Variants in PSMB10 observed in about 807,000 individuals in gnomAD.
PSMB10 encodes the protein proteasome subunit beta type-10.
Under a neutral mutation model 29.8 loss-of-function variants are expected in PSMB10, and 29 were observed. The observed-to-expected ratio is 0.97, with a 90% CI of 0.73 to 1.33. PSMB10 has a LOEUF of 1.33. Among genes scored for constraint, PSMB10 ranks in the 40% most tolerant of loss-of-function variants. The pLI is 0.00. For missense variants in PSMB10, 327 were observed against 369.2 expected (o/e 0.89, Z 0.94); for synonymous variants, 157 against 164.7 (o/e 0.95, Z 0.36).
intron 2 of PSMB10, 42 bp downstream of exon 2, chr16:67,936,356 T>C: frequency 6.2e-7 from 1 of 1,610,958 alleles, no homozygotes; most frequent in Non-Finnish European, 8.5e-7. Context: ...TGCTCGATAC[T>C]CTCGGCTCCC....
Position 67,936,705 on chromosome 16 carries a change from C to G in PSMB10, c.45G>C (p.Glu15Asp). 6.4e-7 allele frequency: 1 copy of G among 1,556,094 alleles called. No individual in the cohort carries two copies. The highest frequency in any genetic ancestry group is 8.7e-7 in the Non-Finnish European group (1 of 1,149,420). ...ALEPRGGFSFENCQRNASLER... is the reference protein window; with the variant it reads ...ALEPRGGFSFDNCQRNASLER... ...CGCCCCCGCTTCACCTTTGGCAGTT[C>G]TCGAAGGAGAAGCCCCCTCGGGGCT... The change falls in exon 1 of 8, where the codon GAG becomes GAC. Residue 15 changes from glutamate (E) to aspartate (D), a missense_variant. Glu to Asp is a conservative substitution (Grantham distance 45, BLOSUM62 2). Transcript: ENST00000358514.
chr16:67,936,358 TCGGCTCCCCTC>T, intron 2 of PSMB10, 29 bp downstream of exon 2: 1 of 1,610,722 alleles, frequency 6.2e-7, no homozygotes, highest in Non-Finnish European at 8.5e-7. Flanking sequence ...CTCGATACTC[TCGGCTCCCCTC>T]CAGCTCCCCG....
At chr16:67,935,014 G>A in intron 6 of PSMB10, 66 bp from the exon 7 acceptor site, 2 of 1,564,620 alleles carry the variant, frequency 1.3e-6, no homozygotes, top group Non-Finnish European at 1.7e-6. Context: ...ACAGCCTGGG[G>A]ACTTGCCTGT....
In PSMB10 at chr16:67,936,466, C is replaced by G; in HGVS notation, c.76G>C (p.Val26Leu). Residue 26 changes from valine (V) to leucine (L), a missense_variant, in exon 2 of 8, where the codon GTC becomes CTC. Transcript: ENST00000358514. Reference protein sequence around the residue: ...NCQRNASLERVLPGLKVPHAR... With the variant: ...NCQRNASLERLLPGLKVPHAR... ...TGAGGGACCTTGAGCCCCGGGAGGACGCGTTCCAATGATGCATTTCTGGAA... is the reference window on the plus strand; with the variant it reads ...TGAGGGACCTTGAGCCCCGGGAGGAGGCGTTCCAATGATGCATTTCTGGAA... 1 of 1,613,432 alleles carries G rather than the reference C, an allele frequency of 6.2e-7. No homozygotes were observed. Among genetic ancestry groups the G allele is most frequent in the Non-Finnish European group, 8.5e-7 (1 of 1,179,882 alleles).
At chr16:67,935,825 T>C in intron 4 of PSMB10, 128 bp from the exon 5 acceptor site, 10 of 1,478,724 alleles carry the variant, frequency 6.8e-6, no homozygotes, top group South Asian at 1.2e-5. Flanking sequence ...CGCCTTTTCC[T>C]GTAGCCCAGG....
In PSMB10 at chr16:67,936,386, C is replaced by T. The variant is rs1165289159; in HGVS notation, c.144+12G>A. On this transcript the variant is annotated intron_variant, in intron 2 of 7. Coordinates refer to ENST00000358514, the MANE Select transcript of PSMB10 (RefSeq NM_002801.4). The stretch of plus-strand genomic sequence containing the variant: ...GCTCCCCTCCAGCTCCCCGTCCCTC[C>T]CCGCTGCTCACTTGGAACACCAGGC... The T allele has an allele frequency of 6.2e-7, 1 of 1,612,204 alleles. No individual in the cohort carries two copies. Among genetic ancestry groups the T allele is most frequent in the Non-Finnish European group, 8.5e-7 (1 of 1,178,840 alleles).
Position 67,935,566 on chromosome 16 carries a change from G to C in PSMB10, c.499+16C>G, listed in dbSNP as rs2058259693. On this transcript the variant is annotated intron_variant, in intron 5 of 7. Transcript: ENST00000358514. ...CACAGGGGCAGAGTTCGAGGAGAAG[G>C]GACAGAAGCGCTCACCCAGGGCTGT... 1.2e-6 allele frequency: 2 copies of C among 1,613,816 alleles called. No homozygotes were observed. The highest frequency in any genetic ancestry group is 2.7e-5 in the African/African-American group (2 of 74,926).
intron 4 of PSMB10, 128 bp downstream of exon 4, chr16:67,935,835 G>A (rs1016492821): frequency 6.7e-6 from 10 of 1,483,546 alleles, no homozygotes; most frequent in African/African-American, 5.6e-5. Context: ...TGTAGCCCAG[G>A]TTCTCTTGGG....
rs2058257226 is a variant in PSMB10 at position 67,934,952 on chromosome 16, CG to C, written c.559-5del. ...GCAGCCCCTGAGCAGCCTCCAGCTG[CG>C]GTGATGGGTGTGTGAGACCTAACGG... On this transcript the variant is annotated splice_region_variant and splice_polypyrimidine_tract_variant and intron_variant, in intron 6 of 7. Transcript: ENST00000358514. This position sits in a 1 kb window ranked among gnomAD's most constrained non-coding sequence, Gnocchi z 4.3. 2 of 1,609,728 alleles carry C rather than the reference CG, an allele frequency of 1.2e-6. No individual in the cohort carries two copies. Among genetic ancestry groups the C allele is most frequent in the African/African-American group, 2.7e-5 (2 of 74,894 alleles).
rs762358296 is a variant in PSMB10, at chr16:67,934,725, CCT to C, written c.711-56_711-55del. ...CATGGGCCTGTCATGTGGCCCATCC[CCT>C]TTTTGCAGCCCCCTATCTCCCCTGC... On this transcript the variant is annotated intron_variant, in intron 7 of 7. Transcript: ENST00000358514. The surrounding 1 kb of genome is among the most constrained non-coding windows in gnomAD (Gnocchi z 4.3). 6.2e-7 allele frequency: 1 copy of C among 1,610,752 alleles called. No homozygotes were observed. The highest frequency in any genetic ancestry group is 2.2e-5 in the East Asian group (1 of 44,766).
rs1363276051 is a variant in PSMB10 at position 67,935,666 on chromosome 16, C to A, written c.415G>T (p.Val139Leu). Residue 139 changes from valine (V) to leucine (L), a missense_variant, in exon 5 of 8, where the codon GTG becomes TTG. Coordinates refer to ENST00000358514, the MANE Select transcript of PSMB10 (RefSeq NM_002801.4). ...GGTCCAGTCAGGTCTACGCCGCCCA[C>A]GATCAGCGATGCACCCACGTGGCCC... ...YQGHVGASLI[V>L]GGVDLTGPQL... 1.2e-6 allele frequency: 2 copies of A among 1,614,004 alleles called. No individual in the cohort carries two copies. Among genetic ancestry groups the A allele is most frequent in the Non-Finnish European group, 1.7e-6 (2 of 1,180,024 alleles).
Position 67,935,490 on chromosome 16 carries a change from A to G in PSMB10, c.500-12T>C, listed in dbSNP as rs2058259410. Reference sequence around the variant, plus strand: ...GTCCTGACCAGAGCCTGAAGGCAGGAGAAGCATCTGAAGTCAACCGCTGCG... The same window carrying G: ...GTCCTGACCAGAGCCTGAAGGCAGGGGAAGCATCTGAAGTCAACCGCTGCG... On this transcript the variant is annotated splice_polypyrimidine_tract_variant and intron_variant, in intron 5 of 7. Coordinates refer to ENST00000358514, the MANE Select transcript of PSMB10 (RefSeq NM_002801.4). The G allele has an allele frequency of 6.2e-7, 1 of 1,614,058 alleles. No homozygotes were observed. The highest frequency in any genetic ancestry group is 8.5e-7 in the Non-Finnish European group (1 of 1,179,928).
Position 67,934,711 on chromosome 16 carries a change from C to T in PSMB10, c.711-40G>A. On this transcript the variant is annotated intron_variant, in intron 7 of 7. Coordinates refer to ENST00000358514, the MANE Select transcript of PSMB10 (RefSeq NM_002801.4). This position sits in a 1 kb window ranked among gnomAD's most constrained non-coding sequence, Gnocchi z 4.3. ...GGACAGCCTCTGAACATGGGCCTGT[C>T]ATGTGGCCCATCCCCTTTTTGCAGC... is the stretch of plus-strand genomic sequence containing the variant. The T allele has an allele frequency of 6.2e-7, 1 of 1,610,962 alleles. No individual in the cohort carries two copies. The highest frequency in any genetic ancestry group is 8.5e-7 in the Non-Finnish European group (1 of 1,177,260).
rs1375697719 is a variant in PSMB10, at chr16:67,934,514, T to C, written c.*46A>G. The C allele has an allele frequency of 6.5e-6, 10 of 1,548,962 alleles. No individual in the cohort carries two copies. The highest frequency in any genetic ancestry group is 8.9e-6 in the Non-Finnish European group (10 of 1,121,164). On this transcript the variant is annotated 3_prime_UTR_variant, in exon 8 of 8. Transcript: ENST00000358514. This position sits in a 1 kb window ranked among gnomAD's most constrained non-coding sequence, Gnocchi z 4.3. ...AATGACACAGCCATCTGTTTAACTG[T>C]ATTTTCTGGGTTTATTCCCCCTTGT...
At chr16:67,935,538 G>A (rs1452330595) in intron 5 of PSMB10, 44 bp downstream of exon 5, 1 of 1,613,930 alleles carries the variant, frequency 6.2e-7, no homozygotes, top group Admixed American at 1.7e-5. Flanking sequence ...GTGAGGCCAA[G>A]GTCACAGGGG....
At position 67,936,804 on chromosome 16, in the gene PSMB10, G is replaced by T; in HGVS notation, c.-55C>A. 1 of 1,468,178 alleles carries T rather than the reference G, an allele frequency of 6.8e-7. No homozygotes were observed. The highest frequency in any genetic ancestry group is 9.3e-7 in the Non-Finnish European group (1 of 1,077,048). The allele number at this position is 1,468,178 out of a possible 1,614,324, so 90.9% of individuals were successfully genotyped here. A position where few individuals can be genotyped will look rare whatever the true frequency, so the allele number is the denominator to read the frequency against. On this transcript the variant is annotated 5_prime_UTR_variant, in exon 1 of 8. Transcript: ENST00000358514. ...GCGGGCGGATGAGTCGGCCAGACAA[G>T]CGGGGCCAGTGAGCAGCTAAAAAGT... is the stretch of plus-strand genomic sequence containing the variant.
Position 67,935,633 on chromosome 16 carries a change from A to G in PSMB10, c.448T>C (p.Tyr150His). The G allele has an allele frequency of 6.2e-7, 1 of 1,614,204 alleles. No individual in the cohort carries two copies. The highest frequency in any genetic ancestry group is 8.5e-7 in the Non-Finnish European group (1 of 1,180,028). ...GGVDLTGPQLYGVHPHGSYSR... is the reference protein window; with the variant it reads ...GGVDLTGPQLHGVHPHGSYSR... ...TAGGAGCCATGGGGATGCACACCGTAGAGCTGCGGTCCAGTCAGGTCTACG... is the reference window on the plus strand; with the variant it reads ...TAGGAGCCATGGGGATGCACACCGTGGAGCTGCGGTCCAGTCAGGTCTACG... Residue 150 changes from tyrosine to histidine, a missense_variant, in exon 5 of 8, where the codon TAC (tyrosine) becomes CAC (histidine). By Grantham distance (83) the Tyr-to-His change is moderately conservative (BLOSUM62 2). Transcript: ENST00000358514.
rs1306346848 is a variant in PSMB10, at chr16:67,936,043, C to G, written c.303G>C (p.Lys101Asn). 6.2e-7 allele frequency: 1 copy of G among 1,613,070 alleles called. No individual in the cohort carries two copies. The highest frequency in any genetic ancestry group is 1.3e-5 in the African/African-American group (1 of 74,946). Residue 101 changes from lysine to asparagine, a missense_variant, in exon 4 of 8, where the codon AAG (lysine) becomes AAC (asparagine). Physicochemically the swap from Lys to Asn is moderately conservative, Grantham distance 94. Coordinates refer to ENST00000358514, the MANE Select transcript of PSMB10 (RefSeq NM_002801.4). ...AEMTTRMVAS[K>N]MELHALSTGR... is the part of the protein sequence containing the mutation. Reference sequence around the variant, plus strand: ...CCGTAGATAACGCGTGTAGCTCCATCTTGGACGCCACCATCCGTGTGGTCA... The same window carrying G: ...CCGTAGATAACGCGTGTAGCTCCATGTTGGACGCCACCATCCGTGTGGTCA...
Position 67,935,571 on chromosome 16 carries a change from G to A in PSMB10, c.499+11C>T, listed in dbSNP as rs755394979. On this transcript the variant is annotated intron_variant, in intron 5 of 7. Transcript: ENST00000358514. ...GGGCAGAGTTCGAGGAGAAGGGACA[G>A]AAGCGCTCACCCAGGGCTGTGAAGG... 6.2e-7 allele frequency: 1 copy of A among 1,614,026 alleles called. No homozygotes were observed. Among genetic ancestry groups the A allele is most frequent in the South Asian group, 1.1e-5 (1 of 91,074 alleles).
Sources: gnomAD v4.1 joint callset for allele counts on GRCh38, gnomAD v4.1.1 for gene constraint, Gnocchi (gnomAD v3.1) non-coding constraint, MANE v1.5 for transcripts, NCBI Gene and HGNC (gene_info 2026-07-23, HGNC 2026-07-21) for gene names.